Variants in RNF150 observed in about 807,000 individuals in gnomAD.
RNF150 encodes ring finger protein 150.
RNF150 carries 24 observed loss-of-function variants against 39.3 expected under a neutral mutation model. The ratio of observed to expected loss-of-function variants is 0.61; its 90% CI spans 0.44 to 0.86. The LOEUF (loss-of-function observed/expected upper bound fraction) is 0.86. Ranked by LOEUF, RNF150 falls within the 40% of genes least tolerant of loss-of-function variation. RNF150 has a pLI of 0.00. For missense variants in RNF150, 502 were observed against 587.8 expected (o/e 0.85, Z 1.51); for synonymous variants, 255 against 227.3 (o/e 1.12, Z -1.10).
intron 1 of RNF150, among the ~76,000 whole-genome samples, chr4:141,005,090 C>T (rs565817514): frequency 1.1e-3 from 169 of 152,164 alleles, no homozygotes; most frequent in African/African-American, 3.8e-3. Context: ...AATGAGGGAG[C>T]GGTTGTTGTC....
chr4:141,029,641 G>C (rs936028186), intron 1 of RNF150, among the ~76,000 whole-genome samples: 1 of 152,090 alleles, frequency 6.6e-6, no homozygotes, highest in Admixed American at 6.5e-5. Context: ...GGAATGACTG[G>C]GTATGCCTCA....
In RNF150 at chr4:140,895,901, G is replaced by T. The variant is rs564093544; in HGVS notation, c.1198+15243C>A. On this transcript the variant is annotated intron_variant, in intron 6 of 6. Transcript: ENST00000515673. ...GGACATGAACAGACACTTCTCAAAAGAAGACATTTATGCAGCCAAAAAACA... is the reference window on the plus strand; with the variant it reads ...GGACATGAACAGACACTTCTCAAAATAAGACATTTATGCAGCCAAAAAACA... Among the ~76,000 whole-genome samples the T allele has an allele frequency of 5.3e-4, 79 of 150,344 alleles. 1 individual carries two copies. Among genetic ancestry groups the T allele is most frequent in the Admixed American group, 1.9e-3 (29 of 15,202 alleles).
chr4:141,119,536 T>C (rs1726545448), intron 1 of RNF150, among the ~76,000 whole-genome samples: 1 of 152,186 alleles, frequency 6.6e-6, no homozygotes, highest in Non-Finnish European at 1.5e-5. Context: ...AAAGGACATA[T>C]CCATTCTGTT....
intron 1 of RNF150, among the ~76,000 whole-genome samples, chr4:141,148,610 C>T (rs354937): frequency 0.89 from 135,849 of 152,066 alleles, 62,628 homozygotes; most frequent in Non-Finnish European, 1. Flanking sequence ...CCGGCTACTT[C>T]TTTTGTATTT....
intron 6 of RNF150, among the ~76,000 whole-genome samples, chr4:140,892,965 G>A (rs1029116405): frequency 6.6e-6 from 1 of 152,142 alleles, no homozygotes; most frequent in Non-Finnish European, 1.5e-5. Context: ...CTACTCAGGA[G>A]CTTGAGGTAA....
At chr4:141,048,501 C>T (rs750832322) in intron 1 of RNF150, among the ~76,000 whole-genome samples, 14 of 151,988 alleles carry the variant, frequency 9.2e-5, no homozygotes, top group Non-Finnish European at 1.0e-4. Flanking sequence ...GAGAACAAGG[C>T]GGGAGGACTG....
In RNF150 at chr4:140,999,993, AAAGAAGAAGAAGAAGAAG is replaced by A. The variant is rs1169596089; in HGVS notation, c.485-32138_485-32121del. Among the ~76,000 whole-genome samples the A allele has an allele frequency of 3.4e-3, 217 of 63,260 alleles. 6 individuals carry two copies. Among genetic ancestry groups the A allele is most frequent in the African/African-American group, 0.011 (202 of 18,844 alleles). The allele number at this position is 63,260 out of a possible 152,430, so 41.5% of individuals were successfully genotyped here. ...AGAAGAAGAAAAGAAGAAAAGAAGA[AAAGAAGAAGAAGAAGAAG>A]AAGAAGAAGAAGAAGAAGAAGAAGA... On this transcript the variant is annotated intron_variant, in intron 1 of 6. Coordinates refer to ENST00000515673, the MANE Select transcript of RNF150 (RefSeq NM_020724.2).
intron 1 of RNF150, among the ~76,000 whole-genome samples, chr4:140,985,295 A>G (rs1292675121): frequency 1.3e-5 from 2 of 152,174 alleles, no homozygotes; most frequent in African/African-American, 4.8e-5. Context: ...TTTCTTTAAT[A>G]CCTTTTCACG....
chr4:140,952,546 C>A (rs529640905), intron 2 of RNF150, among the ~76,000 whole-genome samples: 1 of 152,262 alleles, frequency 6.6e-6, no homozygotes, highest in African/African-American at 2.4e-5. Context: ...AGAGAAAAAA[C>A]GCTTTCCACG....
intron 2 of RNF150, among the ~76,000 whole-genome samples, chr4:140,961,299 C>T (rs1020723661): frequency 6.6e-6 from 1 of 152,056 alleles, no homozygotes; most frequent in African/African-American, 2.4e-5. Flanking sequence ...ATGAAAGTGG[C>T]CATGATTATG....
At chr4:140,999,954 G>A (rs1275533216) in intron 1 of RNF150, among the ~76,000 whole-genome samples, 3 of 37,030 alleles carry the variant, frequency 8.1e-5, no homozygotes, top group Non-Finnish European at 2.2e-4. Flanking sequence ...AGAAGAAGAA[G>A]AAGAAGAAGA....
intron 6 of RNF150, among the ~76,000 whole-genome samples, chr4:140,870,548 A>G (rs1284683921): frequency 6.6e-6 from 1 of 151,776 alleles, no homozygotes; most frequent in Non-Finnish European, 1.5e-5. Flanking sequence ...CCTTCGGGAA[A>G]TTCTCAAGTG....
At chr4:140,938,481 G>A (rs1411709111) in intron 4 of RNF150, among the ~76,000 whole-genome samples, 2 of 152,202 alleles carry the variant, frequency 1.3e-5, no homozygotes, top group East Asian at 1.9e-4. Flanking sequence ...TGAGTTTAGG[G>A]AGAAGCAAGG....
At position 140,962,601 on chromosome 4, in the gene RNF150, T is replaced by A. The variant is rs1361688045; in HGVS notation, c.735+5022A>T. The stretch of plus-strand genomic sequence containing the variant: ...GCCTTGTGTTTGGGATTCTATCCAT[T>A]TAAATTCCAGAATATTTAATGAAAG... On this transcript the variant is annotated intron_variant, in intron 2 of 6. Coordinates refer to ENST00000515673, the MANE Select transcript of RNF150 (RefSeq NM_020724.2). 3.3e-5 allele frequency among the ~76,000 whole-genome samples: 5 copies of A among 152,072 alleles called. No individual in the cohort carries two copies. The East Asian group carries it at 9.7e-4, about 29-fold the overall frequency.
intron 6 of RNF150, among the ~76,000 whole-genome samples, chr4:140,870,567 G>A (rs1026953675): frequency 8.6e-5 from 13 of 151,870 alleles, no homozygotes; most frequent in Middle Eastern, 3.4e-3. Flanking sequence ...TGCAAATTAC[G>A]GTGGTTCTCC....
chr4:141,022,523 C>A (rs1735534133), intron 1 of RNF150, among the ~76,000 whole-genome samples: 1 of 152,150 alleles, frequency 6.6e-6, no homozygotes, highest in Non-Finnish European at 1.5e-5. Context: ...CAGCTCATTT[C>A]TCAACCCAAA....
At chr4:140,974,970 T>C (rs1390379009) in intron 1 of RNF150, among the ~76,000 whole-genome samples, 1 of 152,060 alleles carries the variant, frequency 6.6e-6, no homozygotes, top group African/African-American at 2.4e-5. Flanking sequence ...AATGCAGCAT[T>C]TGAGACTGGG....
chr4:141,156,077 C>A (rs1051498359), intron 1 of RNF150, among the ~76,000 whole-genome samples: 2 of 149,346 alleles, frequency 1.3e-5, no homozygotes. Context: ...ATGGACCTTC[C>A]ATCCCATCAT....
chr4:140,952,052 C>T (rs941213209), intron 2 of RNF150, among the ~76,000 whole-genome samples: 2 of 152,106 alleles, frequency 1.3e-5, no homozygotes, highest in Admixed American at 6.5e-5. Context: ...ACTGTCTACC[C>T]AGGCTGGAGT....
Sources: gnomAD v4.1 joint callset for allele counts (sites outside exome capture counted in the v4.1 genomes callset) on GRCh38, gnomAD v4.1.1 for gene constraint, MANE v1.5 for transcripts, NCBI Gene and HGNC (gene_info 2026-07-23, HGNC 2026-07-21) for gene names.